RAB3IP: variants seen among roughly 807,000 people sequenced by gnomAD.
RAB3IP encodes RAB3A interacting protein.
In RAB3IP, 36 loss-of-function variants were observed where a neutral mutation model predicts 59.1. The ratio of observed to expected loss-of-function variants is 0.61; its 90% CI spans 0.47 to 0.80. RAB3IP has a LOEUF of 0.80. Among genes scored for constraint, RAB3IP ranks in the 30% least tolerant of loss-of-function variants. The pLI, the probability that RAB3IP is intolerant of heterozygous loss-of-function variation, is 0.00. For synonymous variants in RAB3IP, 207 were observed against 191.2 expected, an observed-to-expected ratio of 1.08 and a Z score of -0.68; for missense variants, 511 against 536.0, an observed-to-expected ratio of 0.95 and a Z score of 0.46.
Position 69,821,110 on chromosome 12 carries a change from A to G in RAB3IP, c.*5664A>G, listed in dbSNP as rs1358057568. Reference sequence around the variant, plus strand: ...AGGAACGTCTGAGGTCATGAGGACTAGATTCTAGAGCTACAGGTCTCAGGG... The same window carrying G: ...AGGAACGTCTGAGGTCATGAGGACTGGATTCTAGAGCTACAGGTCTCAGGG... On this transcript the variant is annotated 3_prime_UTR_variant, in exon 11 of 11. Transcript: ENST00000247833. 6.6e-6 allele frequency: 1 copy of G among 152,250 alleles called. No individual in the cohort carries two copies. The allele number at this position is 152,250 out of a possible 1,614,324, so 9.4% of individuals were successfully genotyped here.
Position 69,795,338 on chromosome 12 carries a change from CA to C in RAB3IP, c.885del (p.Glu296ArgfsTer26), listed in dbSNP as rs1437640072. 1 of 1,611,272 alleles carries C rather than the reference CA, an allele frequency of 6.2e-7. No individual in the cohort carries two copies. Among genetic ancestry groups the C allele is most frequent in the Non-Finnish European group, 8.5e-7 (1 of 1,177,580 alleles). ...SVIQPIVKDC[K>X]EADLSLYNEF... ...TGATACAGCCAATTGTAAAAGACTG[CA>C]AAGAGGTAACTCATCAAGGACTGTC... On this transcript the variant is annotated frameshift_variant, in exon 6 of 11. Transcript: ENST00000247833. LOFTEE classifies it high-confidence loss of function.
chr12:69,775,275 T>G (rs974528916), intron 3 of RAB3IP, among the ~76,000 whole-genome samples: 1 of 101,110 alleles, frequency 9.9e-6, no homozygotes, highest in Non-Finnish European at 2.0e-5. Context: ...ATCCTGAGAC[T>G]TTGCTGAAGT....
intron 8 of RAB3IP, among the ~76,000 whole-genome samples, chr12:69,806,506 G>T (rs1384950341): frequency 8.1e-5 from 12 of 147,828 alleles, no homozygotes; most frequent in African/African-American, 3.0e-4. Context: ...CTTCAGTTCT[G>T]CTCTGATCTT....
At position 69,818,743 on chromosome 12, in the gene RAB3IP, A is replaced by G. The variant is rs1881399648; in HGVS notation, c.*3297A>G. 6.6e-6 allele frequency: 1 copy of G among 152,228 alleles called. No homozygotes were observed. The highest frequency in any genetic ancestry group is 2.4e-5 in the African/African-American group (1 of 41,460). 9.4% of individuals were successfully genotyped at this position (152,228 alleles called of 1,614,324 possible). ...TAAAAGTCAAGAACAACTAAAACTG[A>G]ACAGCTGTTTAGGCATTGACATATG... On this transcript the variant is annotated 3_prime_UTR_variant, in exon 11 of 11. Transcript: ENST00000247833.
chr12:69,749,392 GA>G (rs1196729229), intron 1 of RAB3IP, among the ~76,000 whole-genome samples: 5 of 152,140 alleles, frequency 3.3e-5, no homozygotes, highest in African/African-American at 1.2e-4. Context: ...TGTCTTCCAC[GA>G]AACTGGTCCC....
intron 4 of RAB3IP, among the ~76,000 whole-genome samples, chr12:69,789,253 T>C (rs1432838930): frequency 1.3e-5 from 2 of 151,682 alleles, no homozygotes; most frequent in African/African-American, 4.8e-5. Flanking sequence ...ATAAAAACCC[T>C]TAGCTAGACA....
chr12:69,791,023 G>A (rs1196782092), intron 4 of RAB3IP, among the ~76,000 whole-genome samples: 1 of 152,140 alleles, frequency 6.6e-6, no homozygotes, highest in East Asian at 1.9e-4. Flanking sequence ...AGAGAATAGA[G>A]AGCCCAGAAA....
At chr12:69,790,578 G>A (rs1876442264) in intron 4 of RAB3IP, among the ~76,000 whole-genome samples, 1 of 151,850 alleles carries the variant, frequency 6.6e-6, no homozygotes, top group East Asian at 1.9e-4. Context: ...AACGTTAATA[G>A]CCAAAGTAAT....
At position 69,800,253 on chromosome 12, in the gene RAB3IP, G is replaced by C; in HGVS notation, c.933G>C (p.Glu311Asp). 6.3e-7 allele frequency: 1 copy of C among 1,588,552 alleles called. No individual in the cohort carries two copies. Among genetic ancestry groups the C allele is most frequent in the Non-Finnish European group, 8.6e-7 (1 of 1,168,650 alleles). ...ATGAATTCCGATTGTGGAAGGATGA[G>C]CCCACAATGGACAGGACGTGTCCTT... ...LYNEFRLWKD[E>D]PTMDRTCPFL... The change falls in exon 7 of 11, where the codon GAG (glutamate) becomes GAC (aspartate). Residue 311 changes from glutamate (E) to aspartate (D), a missense_variant. By Grantham distance (45) the Glu-to-Asp change is conservative (BLOSUM62 2). Coordinates refer to ENST00000247833, the MANE Select transcript of RAB3IP (RefSeq NM_022456.5).
intron 4 of RAB3IP, among the ~76,000 whole-genome samples, chr12:69,792,643 T>A (rs961129228): frequency 6.6e-6 from 1 of 152,202 alleles, no homozygotes; most frequent in East Asian, 1.9e-4. Flanking sequence ...TCTGTAAAAA[T>A]TCTGCATGTC....
At chr12:69,768,287 C>A (rs1872555757) in intron 3 of RAB3IP, among the ~76,000 whole-genome samples, 1 of 152,054 alleles carries the variant, frequency 6.6e-6, no homozygotes, top group Non-Finnish European at 1.5e-5. Flanking sequence ...TAGGGTGGTT[C>A]AGGCTACTGA....
rs774309089 is a variant in RAB3IP at position 69,756,421 on chromosome 12, C to T, written c.268C>T (p.Pro90Ser). ...CCTTTACAGCTTTCATGTTACAGACCCAGCCCCTTGCTCTACCTCTGGAGT... is the reference window on the plus strand; with the variant it reads ...CCTTTACAGCTTTCATGTTACAGACTCAGCCCCTTGCTCTACCTCTGGAGT... The part of the protein sequence containing the change: ...ISSISFHVTD[P>S]APCSTSGVTA... The change falls in exon 3 of 11, where the codon CCA becomes TCA. Residue 90 changes from proline (P) to serine (S), a missense_variant. Transcript: ENST00000247833. 3 of 1,613,874 alleles carry T rather than the reference C, an allele frequency of 1.9e-6. No homozygotes were observed. Among genetic ancestry groups the T allele is most frequent in the South Asian group, 2.2e-5 (2 of 91,014 alleles).
chr12:69,778,392 T>C (rs1874004639), intron 3 of RAB3IP, among the ~76,000 whole-genome samples: 1 of 95,672 alleles, frequency 1.0e-5, no homozygotes, highest in African/African-American at 4.1e-5. Context: ...AATTTGATCG[T>C]CTGAAGCCTT....
At chr12:69,757,717 T>TA (rs397768507) in intron 3 of RAB3IP, among the ~76,000 whole-genome samples, 1 of 152,176 alleles carries the variant, frequency 6.6e-6, no homozygotes. Context: ...TTCATTTTTT[T>TA]AATCCCCAGT....
intron 4 of RAB3IP, among the ~76,000 whole-genome samples, chr12:69,790,878 C>G (rs1027094388): frequency 6.6e-6 from 1 of 152,172 alleles, no homozygotes; most frequent in African/African-American, 2.4e-5. Context: ...GCCACTATGC[C>G]CAGCCCCAAA....
Position 69,755,770 on chromosome 12 carries a change from C to T in RAB3IP, c.251+111C>T, listed in dbSNP as rs1592462093. 4 of 861,820 alleles carry T rather than the reference C, an allele frequency of 4.6e-6. No homozygotes were observed. The East Asian group carries it at 8.0e-5, about 17-fold the overall frequency. The allele number at this position is 861,820 out of a possible 1,614,324, so 53.4% of individuals were successfully genotyped here. A position where few individuals can be genotyped will look rare whatever the true frequency, so the allele number is the denominator to read the frequency against. ...GAAAATTTGAATAACTTAAGTGTGC[C>T]TAGGTAAAGAAATACATGACCTGAT... On this transcript the variant is annotated intron_variant, in intron 2 of 10. Coordinates refer to ENST00000247833, the MANE Select transcript of RAB3IP (RefSeq NM_022456.5).
At chr12:69,761,368 T>C (rs994538071) in intron 3 of RAB3IP, among the ~76,000 whole-genome samples, 1 of 152,224 alleles carries the variant, frequency 6.6e-6, no homozygotes, top group Non-Finnish European at 1.5e-5. Context: ...GTGCACATTT[T>C]GTTTTTCATT....
chr12:69,755,347 A>G (rs1382417414), intron 1 of RAB3IP, 37 bp from the exon 2 acceptor site: 5 of 1,511,086 alleles, frequency 3.3e-6, no homozygotes, highest in South Asian at 1.2e-5. Flanking sequence ...AAATGTTATT[A>G]TCTAAAAATA....
At chr12:69,813,068 AAAAGTTCAGCAAAAAGTATAAGT>A (rs1880676739) in intron 10 of RAB3IP, 35 bp downstream of exon 10, 1 of 1,493,496 alleles carries the variant, frequency 6.7e-7, no homozygotes, top group South Asian at 1.2e-5. Flanking sequence ...GTCTTTACAT[AAAAGTTCAGCAAAAAGTATAAGT>A]AAAGTTCAAC....
Sources: allele counts gnomAD v4.1 joint callset (sites outside exome capture counted in the v4.1 genomes callset), GRCh38; gene constraint gnomAD v4.1.1; transcripts MANE v1.5; gene names NCBI Gene and HGNC (gene_info 2026-07-23, HGNC 2026-07-21).